Variants in ELMO1 observed in about 807,000 individuals in gnomAD.
ELMO1 encodes the protein engulfment and cell motility protein 1.
ELMO1 carries 26 observed loss-of-function variants against 98.9 expected under a neutral mutation model. The ratio of observed to expected loss-of-function variants is 0.26; its 90% CI spans 0.19 to 0.36. The LOEUF is 0.36. ELMO1 is among the 10% of genes least tolerant of loss of function. ELMO1 has a pLI of 1.00. For synonymous variants in ELMO1, 346 were observed against 346.0 expected (o/e 1.00, Z 0.00); for missense variants, 627 against 935.2 (o/e 0.67, Z 4.30).
At chr7:36,963,650 C>G (rs913839837) in intron 16 of ELMO1, among the ~76,000 whole-genome samples, 25 of 152,226 alleles carry the variant, frequency 1.6e-4, no homozygotes, top group Admixed American at 1.6e-3. Flanking sequence ...CTATATAAAA[C>G]ATATGTCTTA....
chr7:36,878,712 G>T (rs937787252), intron 18 of ELMO1, among the ~76,000 whole-genome samples: 1 of 152,204 alleles, frequency 6.6e-6, no homozygotes, highest in African/African-American at 2.4e-5. Context: ...AAAGAATGGG[G>T]ACATGCACAA....
chr7:37,160,566 G>T (rs1015596273), intron 13 of ELMO1, among the ~76,000 whole-genome samples: 4 of 152,250 alleles, frequency 2.6e-5, no homozygotes, highest in African/African-American at 9.6e-5. Flanking sequence ...GGAGCAGGGC[G>T]GTTTAAAGCT....
At chr7:37,122,996 C>A (rs1786187654) in intron 14 of ELMO1, among the ~76,000 whole-genome samples, 6 of 152,102 alleles carry the variant, frequency 3.9e-5, no homozygotes, top group Admixed American at 3.9e-4. Context: ...CAAAACTGCT[C>A]AACTACATGG....
At chr7:37,283,863 G>A (rs1379026223) in intron 4 of ELMO1, among the ~76,000 whole-genome samples, 3 of 152,196 alleles carry the variant, frequency 2.0e-5, no homozygotes, top group African/African-American at 7.2e-5. Flanking sequence ...TGTCCCTGTG[G>A]TGGCCATGCC....
intron 16 of ELMO1, among the ~76,000 whole-genome samples, chr7:37,005,233 G>A (rs144778739): frequency 4.6e-5 from 7 of 151,946 alleles, no homozygotes; most frequent in Admixed American, 1.3e-4. Context: ...ATGCTGCCAG[G>A]GCTGTAAATT....
At chr7:37,147,207 G>A (rs183940712) in intron 13 of ELMO1, among the ~76,000 whole-genome samples, 242 of 152,310 alleles carry the variant, frequency 1.6e-3, no homozygotes, top group Middle Eastern at 6.8e-3. Flanking sequence ...TCTTTAAGGT[G>A]AGGCACAAAG....
intron 16 of ELMO1, among the ~76,000 whole-genome samples, chr7:36,959,537 C>T (rs1788764090): frequency 6.6e-6 from 1 of 152,176 alleles, no homozygotes. Flanking sequence ...TCTCCTGTCT[C>T]CATTTCTCAC....
intron 14 of ELMO1, chr7:37,117,052 T>C: frequency 4.9e-6 from 1 of 206,120 alleles, no homozygotes; most frequent in East Asian, 1.1e-4. Context: ...ATCTTAGCCC[T>C]GGACCTGGAG....
chr7:36,871,875 A>G (rs1366490419), intron 19 of ELMO1, among the ~76,000 whole-genome samples: 1 of 152,152 alleles, frequency 6.6e-6, no homozygotes, highest in Non-Finnish European at 1.5e-5. Flanking sequence ...TAAAATTACT[A>G]ACAACTTTGT....
At chr7:37,350,932 AC>A (rs1205603484) in intron 1 of ELMO1, among the ~76,000 whole-genome samples, 1 of 152,162 alleles carries the variant, frequency 6.6e-6, no homozygotes, top group African/African-American at 2.4e-5. Flanking sequence ...AACACTGATA[AC>A]ACCTTGATCT....
intron 6 of ELMO1, among the ~76,000 whole-genome samples, chr7:37,253,097 G>A (rs1562556227): frequency 6.6e-6 from 1 of 152,156 alleles, no homozygotes; most frequent in Non-Finnish European, 1.5e-5. Flanking sequence ...AAGAGGATGT[G>A]GAGAAATGGG....
At chr7:36,916,390 T>A in intron 16 of ELMO1, among the ~76,000 whole-genome samples, 1 of 152,204 alleles carries the variant, frequency 6.6e-6, no homozygotes, top group African/African-American at 2.4e-5. Context: ...GAGCTTTAAT[T>A]GTGAAAAATT....
chr7:37,019,890 A>C (rs949087348), intron 15 of ELMO1, among the ~76,000 whole-genome samples: 2 of 152,230 alleles, frequency 1.3e-5, no homozygotes, highest in African/African-American at 4.8e-5. Flanking sequence ...CTTATAAGCA[A>C]GCCAGCTTTG....
chr7:37,037,669 G>A (rs1250954097), intron 15 of ELMO1, among the ~76,000 whole-genome samples: 1 of 152,160 alleles, frequency 6.6e-6, no homozygotes, highest in Non-Finnish European at 1.5e-5. Flanking sequence ...CAAGTGAGCT[G>A]GGGTCAACAG....
chr7:37,281,441 G>A (rs1212921718), intron 4 of ELMO1, among the ~76,000 whole-genome samples: 1 of 152,178 alleles, frequency 6.6e-6, no homozygotes, highest in Non-Finnish European at 1.5e-5. Flanking sequence ...AACAGGGAAA[G>A]GGATTCCATG....
At chr7:37,359,694 G>T (rs770135783) in intron 1 of ELMO1, among the ~76,000 whole-genome samples, 1 of 152,122 alleles carries the variant, frequency 6.6e-6, no homozygotes, top group African/African-American at 2.4e-5. Context: ...AACTTCCTTG[G>T]ACCTTAATAT....
intron 5 of ELMO1, among the ~76,000 whole-genome samples, chr7:37,266,427 C>A (rs1796244417): frequency 6.6e-6 from 1 of 152,052 alleles, no homozygotes; most frequent in Non-Finnish European, 1.5e-5. Flanking sequence ...GCTCCCTAAA[C>A]CAGAAAGAGT....
intron 16 of ELMO1, among the ~76,000 whole-genome samples, chr7:36,930,900 C>T (rs1785984147): frequency 6.6e-6 from 1 of 152,202 alleles, no homozygotes; most frequent in South Asian, 2.1e-4. Context: ...CCTTTTCAGA[C>T]TCAACTTTGA....
intron 16 of ELMO1, among the ~76,000 whole-genome samples, chr7:36,982,921 T>G (rs1262248537): frequency 6.6e-6 from 1 of 152,144 alleles, no homozygotes; most frequent in East Asian, 1.9e-4. Context: ...TCCCTCAAAC[T>G]CTGACGAACA....
Sources: gnomAD v4.1 joint callset for allele counts (sites outside exome capture counted in the v4.1 genomes callset) on GRCh38, gnomAD v4.1.1 for gene constraint, MANE v1.5 for transcripts, NCBI Gene and HGNC (gene_info 2026-07-23, HGNC 2026-07-21) for gene names.